The following N4BP2L2 variants were observed in gnomAD, a reference collection of about 807,000 sequenced individuals.
N4BP2L2 encodes NEDD4-binding protein 2-like 2.
N4BP2L2 carries 50 observed loss-of-function variants against 56.2 expected under a neutral mutation model. The observed-to-expected ratio is 0.89, with a 90% CI of 0.71 to 1.13. The LOEUF is 1.13. Among genes scored for constraint, N4BP2L2 ranks in the 50% most tolerant of loss-of-function variants. N4BP2L2 has a pLI of 0.00. For synonymous variants in N4BP2L2, 203 were observed against 223.6 expected, an observed-to-expected ratio of 0.91 and a Z score of 0.82; for missense variants, 689 against 693.8, an observed-to-expected ratio of 0.99 and a Z score of 0.08.
intron 6 of N4BP2L2, among the ~76,000 whole-genome samples, chr13:32,467,275 T>G (rs75255250): frequency 6.6e-6 from 1 of 150,724 alleles, no homozygotes; most frequent in African/African-American, 2.5e-5. Flanking sequence ...TTTTTTTTTT[T>G]GAGACAGAGT....
At chr13:32,515,701 T>C (rs1185495082) in exon 6 of N4BP2L2, 1 of 152,152 alleles carries the variant, frequency 6.6e-6, no homozygotes, top group Non-Finnish European at 1.5e-5. Flanking sequence ...GGTAATACTC[T>C]ACTTTCCAAA....
At chr13:32,462,789 G>C (rs957963919) in intron 6 of N4BP2L2, among the ~76,000 whole-genome samples, 1 of 148,120 alleles carries the variant, frequency 6.8e-6, no homozygotes, top group African/African-American at 2.5e-5. Context: ...ACTTTGGGAG[G>C]TCAAGGAGGG....
intron 6 of N4BP2L2, among the ~76,000 whole-genome samples, chr13:32,473,391 A>C (rs1156272583): frequency 6.6e-6 from 1 of 152,234 alleles, no homozygotes; most frequent in Non-Finnish European, 1.5e-5. Flanking sequence ...ATAACAAGCA[A>C]CTAAACACAA....
At chr13:32,512,150 T>A (rs1249341304) in exon 6 of N4BP2L2, 1 of 152,102 alleles carries the variant, frequency 6.6e-6, no homozygotes, top group East Asian at 1.9e-4. Flanking sequence ...ATTTCAACCA[T>A]GAAAAACCAC....
At chr13:32,442,340 C>T (rs776789131) in intron 7 of N4BP2L2, 3 of 1,428,838 alleles carry the variant, frequency 2.1e-6, no homozygotes, top group Non-Finnish European at 2.8e-6. Context: ...GAATTACTTA[C>T]ATATGTTAAA....
chr13:32,514,330 A>T (rs1242498437), exon 6 of N4BP2L2: 3 of 152,224 alleles, frequency 2.0e-5, no homozygotes, highest in African/African-American at 7.2e-5. Context: ...ATTTACCACA[A>T]AAAAGTAACT....
At chr13:32,500,113 T>C (rs2089673937) in intron 6 of N4BP2L2, among the ~76,000 whole-genome samples, 1 of 152,334 alleles carries the variant, frequency 6.6e-6, no homozygotes, top group Non-Finnish European at 1.5e-5. Flanking sequence ...TTGGGTATGA[T>C]GCCCACCTGA....
At chr13:32,487,497 G>T (rs936830892) in intron 6 of N4BP2L2, among the ~76,000 whole-genome samples, 1 of 148,492 alleles carries the variant, frequency 6.7e-6, no homozygotes, top group African/African-American at 2.5e-5. Flanking sequence ...AAAAAGAAAA[G>T]AAAAAAAAGT....
chr13:32,444,285 G>C (rs774106982), intron 6 of N4BP2L2, among the ~76,000 whole-genome samples: 2 of 152,160 alleles, frequency 1.3e-5, no homozygotes, highest in Admixed American at 6.6e-5. Flanking sequence ...TTTGTTTTGA[G>C]ATGGAGTCTC....
chr13:32,447,714 C>T (rs1213084718), intron 6 of N4BP2L2, among the ~76,000 whole-genome samples: 2 of 152,148 alleles, frequency 1.3e-5, no homozygotes, highest in Admixed American at 6.5e-5. Context: ...TTCTCTAATA[C>T]TCCCCAAGAG....
intron 6 of N4BP2L2, among the ~76,000 whole-genome samples, chr13:32,447,413 T>C (rs1371894368): frequency 1.3e-5 from 2 of 151,360 alleles, no homozygotes; most frequent in African/African-American, 4.9e-5. Flanking sequence ...AATTCACTCA[T>C]GGGGTGGAGG....
chr13:32,436,342 T>C (rs764102595), intron 9 of N4BP2L2: 19 of 1,184,230 alleles, frequency 1.6e-5, no homozygotes, highest in Non-Finnish European at 2.0e-5. Context: ...CAGAGGTCTC[T>C]AGAATAAGTC....
chr13:32,471,315 G>A (rs1327211093), intron 6 of N4BP2L2, among the ~76,000 whole-genome samples: 2 of 152,114 alleles, frequency 1.3e-5, no homozygotes, highest in Non-Finnish European at 2.9e-5. Flanking sequence ...TAAGGTATAT[G>A]GATGTGCTCT....
At chr13:32,449,934 C>T (rs1391370494) in intron 6 of N4BP2L2, among the ~76,000 whole-genome samples, 1 of 152,050 alleles carries the variant, frequency 6.6e-6, no homozygotes, top group African/African-American at 2.4e-5. Flanking sequence ...ACTAAGTGGC[C>T]ATATATAGAC....
intron 6 of N4BP2L2, among the ~76,000 whole-genome samples, chr13:32,499,529 T>C (rs1459435633): frequency 1.3e-5 from 2 of 152,224 alleles, no homozygotes; most frequent in African/African-American, 4.8e-5. Flanking sequence ...AATGTTCTCA[T>C]GATCGCCAAA....
At chr13:32,474,977 T>C (rs2083025022) in intron 6 of N4BP2L2, among the ~76,000 whole-genome samples, 1 of 152,200 alleles carries the variant, frequency 6.6e-6, no homozygotes, top group Non-Finnish European at 1.5e-5. Context: ...ACTATATAGA[T>C]GAGGTTATGA....
Position 32,518,051 on chromosome 13 carries a change from G to T in N4BP2L2, c.1551-48C>A, listed in dbSNP as rs772875009. ...TAAATCTTTGTTGCAGAATGTACAGGCTTAGAGATTAACTGTTTTAGAGAA... is the reference window on the plus strand; with the variant it reads ...TAAATCTTTGTTGCAGAATGTACAGTCTTAGAGATTAACTGTTTTAGAGAA... On this transcript the variant is annotated intron_variant, in intron 5 of 5. Transcript: ENST00000267068. The T allele has an allele frequency of 2.5e-5, 39 of 1,535,582 alleles. No homozygotes were observed. The Admixed American group carries it at 2.7e-4, about 11-fold the overall frequency.
intron 6 of N4BP2L2, among the ~76,000 whole-genome samples, chr13:32,471,616 C>A (rs2082310278): frequency 6.6e-6 from 1 of 152,210 alleles, no homozygotes; most frequent in African/African-American, 2.4e-5. Flanking sequence ...AGCTGCTAAC[C>A]CTGTAAGGGA....
At chr13:32,466,525 G>C (rs1177555540) in intron 6 of N4BP2L2, among the ~76,000 whole-genome samples, 4 of 151,508 alleles carry the variant, frequency 2.6e-5, no homozygotes, top group African/African-American at 9.7e-5. Flanking sequence ...CGAGATCAGA[G>C]ACTCCATCTC....
Sources: gnomAD v4.1 joint callset for allele counts (sites outside exome capture counted in the v4.1 genomes callset) on GRCh38, gnomAD v4.1.1 for gene constraint, MANE v1.5 for transcripts, NCBI Gene and HGNC (gene_info 2026-07-23, HGNC 2026-07-21) for gene names.